The following FBN1 variants were observed in gnomAD, a reference collection of about 807,000 sequenced individuals.
The protein encoded by FBN1 is fibrillin-1.
Under a neutral mutation model 365.1 loss-of-function variants are expected in FBN1, and 29 were observed. That is an observed-to-expected ratio of 0.08 (90% CI 0.06 to 0.11). FBN1 has a LOEUF of 0.11. Ranked by LOEUF, FBN1 falls within the 10% of genes least tolerant of loss-of-function variation. The pLI, the probability that FBN1 is intolerant of heterozygous loss-of-function variation, is 1.00. For synonymous variants in FBN1, 1,210 were observed against 1,270.5 expected, an observed-to-expected ratio of 0.95 and a Z score of 1.01; for missense variants, 2,476 against 3,703.2, an observed-to-expected ratio of 0.67 and a Z score of 8.60.
chr15:48,634,215 C>G (rs557700339), intron 2 of FBN1, among the ~76,000 whole-genome samples: 24 of 152,278 alleles, frequency 1.6e-4, no homozygotes, highest in African/African-American at 5.5e-4. Context: ...TTACAAGAAG[C>G]AGGATGCATC....
chr15:48,433,546 T>C (rs2043040068), intron 54 of FBN1, among the ~76,000 whole-genome samples: 1 of 152,208 alleles, frequency 6.6e-6, no homozygotes, highest in Non-Finnish European at 1.5e-5. Flanking sequence ...ACACTCAGTT[T>C]ACACAGATGC....
rs1287216738 is a variant in FBN1 at position 48,533,999 on chromosome 15, T to C, written c.862+81A>G. 3 of 1,576,688 alleles carry C rather than the reference T, an allele frequency of 1.9e-6. No individual in the cohort carries two copies. In the African/African-American group the frequency reaches 4.0e-5, roughly 21 times the overall value. The stretch of plus-strand genomic sequence containing the variant: ...CAAAGACAGAAGGATTTAGGAATAA[T>C]TTGCAAACAAGCTTGTTTCTAATGT... On this transcript the variant is annotated intron_variant, in intron 8 of 65. Coordinates refer to ENST00000316623, the MANE Select transcript of FBN1 (RefSeq NM_000138.5).
At position 48,437,893 on chromosome 15, in the gene FBN1, G is replaced by A. The variant is rs1566896395; in HGVS notation, c.6188C>T (p.Ala2063Val). 6.2e-7 allele frequency: 1 copy of A among 1,613,766 alleles called. No homozygotes were observed. Among genetic ancestry groups the A allele is most frequent in the Non-Finnish European group, 8.5e-7 (1 of 1,179,780 alleles). ...TGAACACTTTCCTCCTTCAAACTTC[G>A]CATAACAGTAGCTCATTCGCAAATC... ...CQDLRMSYCY[A>V]KFEGGKCSSP... is the part of the protein sequence containing the mutation. The change falls in exon 51 of 66, where the codon GCG becomes GTG. Residue 2063 changes from alanine to valine, a missense_variant. Ala to Val is a moderately conservative substitution (Grantham distance 64, BLOSUM62 0). This residue lies in a region of FBN1 where 1,780 missense variants were observed against 2,840.8 expected (regional missense o/e 0.63). Coordinates refer to ENST00000316623, the MANE Select transcript of FBN1 (RefSeq NM_000138.5).
intron 10 of FBN1, among the ~76,000 whole-genome samples, chr15:48,516,713 T>C (rs544488942): frequency 1.3e-5 from 2 of 152,110 alleles, no homozygotes; most frequent in African/African-American, 2.4e-5. Flanking sequence ...ATTAAAAAAT[T>C]TGAATTTTAT....
intron 14 of FBN1, 45 bp from the exon 15 acceptor site, chr15:48,508,749 C>T (rs1165424788): frequency 1.2e-6 from 2 of 1,609,548 alleles, no homozygotes; most frequent in South Asian, 2.2e-5. Context: ...GAAGAGTAAG[C>T]TTACGAAGGA....
At chr15:48,413,590 T>G (rs1293516509) in intron 64 of FBN1, among the ~76,000 whole-genome samples, 1 of 152,214 alleles carries the variant, frequency 6.6e-6, no homozygotes, top group African/African-American at 2.4e-5. Context: ...GAATGTGTAT[T>G]TATCAAGCTC....
At chr15:48,439,850 G>C (rs2043099540) in intron 50 of FBN1, among the ~76,000 whole-genome samples, 1 of 152,162 alleles carries the variant, frequency 6.6e-6, no homozygotes, top group Non-Finnish European at 1.5e-5. Context: ...TTGCAAGTGG[G>C]AGTGGCTCAT....
chr15:48,475,210 G>C (rs1222777418), intron 32 of FBN1, among the ~76,000 whole-genome samples: 1 of 152,102 alleles, frequency 6.6e-6, no homozygotes. Context: ...AGCATTTGCA[G>C]AAAATGTTCC....
chr15:48,513,741 T>C lies in FBN1; in HGVS notation c.1469-73A>G, dbSNP rs73394206. The C allele has an allele frequency of 1.9e-6, 3 of 1,542,066 alleles. No individual in the cohort carries two copies. The African/African-American group carries it at 4.1e-5, about 21-fold the overall frequency. On this transcript the variant is annotated intron_variant, in intron 12 of 65. Coordinates refer to ENST00000316623, the MANE Select transcript of FBN1 (RefSeq NM_000138.5). ...ATAATTCTAAGACTTTCTGGGTTCC[T>C]TTTATACATATAAAACATTTTCCTT...
intron 6 of FBN1, among the ~76,000 whole-genome samples, chr15:48,540,609 T>C (rs1394327570): frequency 6.6e-6 from 1 of 152,148 alleles, no homozygotes; most frequent in Non-Finnish European, 1.5e-5. Flanking sequence ...CAATGAATCC[T>C]TTTCAGGATA....
At chr15:48,622,735 T>G (rs1263925889) in intron 2 of FBN1, among the ~76,000 whole-genome samples, 1 of 152,120 alleles carries the variant, frequency 6.6e-6, no homozygotes, top group African/African-American at 2.4e-5. Flanking sequence ...TGTCAACTCT[T>G]ATCTTTACCT....
intron 2 of FBN1, among the ~76,000 whole-genome samples, chr15:48,635,030 A>G (rs1890068966): frequency 6.6e-6 from 1 of 152,170 alleles, no homozygotes; most frequent in South Asian, 2.1e-4. Flanking sequence ...CTGTCTCCCA[A>G]CACCAACATC....
intron 54 of FBN1, among the ~76,000 whole-genome samples, chr15:48,434,210 C>T (rs1196067271): frequency 2.0e-5 from 3 of 151,696 alleles, no homozygotes; most frequent in Admixed American, 6.6e-5. Context: ...GTGTGCAGTG[C>T]TCCTAGAAAT....
chr15:48,480,422 C>T (rs899301631), intron 32 of FBN1, among the ~76,000 whole-genome samples: 12 of 151,952 alleles, frequency 7.9e-5, no homozygotes, highest in African/African-American at 2.9e-4. Flanking sequence ...ACCGAGAGGC[C>T]GTATAGGAGT....
intron 22 of FBN1, 84 bp from the exon 23 acceptor site, chr15:48,494,338 A>T (rs970978689): frequency 3.0e-6 from 3 of 1,001,526 alleles, no homozygotes; most frequent in Non-Finnish European, 4.7e-6. Context: ...TAGTGTAAGA[A>T]ACATGAAAGA....
intron 5 of FBN1, among the ~76,000 whole-genome samples, chr15:48,599,296 T>C (rs1297057471): frequency 1.3e-5 from 2 of 152,134 alleles, no homozygotes; most frequent in Non-Finnish European, 2.9e-5. Context: ...AACATCCAGG[T>C]AATAGAGTAC....
chr15:48,463,359 T>A, intron 41 of FBN1, 119 bp from the exon 42 acceptor site: 1 of 1,024,038 alleles, frequency 9.8e-7, no homozygotes, highest in Non-Finnish European at 1.5e-6. Context: ...GTAGCTTGAC[T>A]TTGATAAGGA....
intron 44 of FBN1, among the ~76,000 whole-genome samples, chr15:48,454,384 A>C (rs2043223686): frequency 6.6e-6 from 1 of 152,250 alleles, no homozygotes; most frequent in Non-Finnish European, 1.5e-5. Context: ...AAGATTTTGG[A>C]TAATGGATAT....
At chr15:48,597,814 T>A (rs1208076544) in intron 5 of FBN1, among the ~76,000 whole-genome samples, 1 of 152,232 alleles carries the variant, frequency 6.6e-6, no homozygotes, top group Non-Finnish European at 1.5e-5. Context: ...AAAAGAAATT[T>A]TGAGCTTGCC....
Sources: gnomAD v4.1 joint callset for allele counts (sites outside exome capture counted in the v4.1 genomes callset) on GRCh38, gnomAD v4.1.1 for gene constraint, gnomAD v4.1.1 regional missense constraint, MANE v1.5 for transcripts, NCBI Gene and HGNC (gene_info 2026-07-23, HGNC 2026-07-21) for gene names.